The following SPMAP2L variants were observed in gnomAD, a reference collection of about 807,000 sequenced individuals.
SPMAP2L encodes the protein sperm microtubule associated protein 2 like.
At chr4:56,604,259 C>T in the SPMAP2L span, among the ~76,000 whole-genome samples, 1 of 152,170 alleles carries the variant, frequency 6.6e-6, no homozygotes, top group African/African-American at 2.4e-5. Flanking sequence ...ACTCCCTGTG[C>T]TGCAGTTTCT....
the SPMAP2L span, among the ~76,000 whole-genome samples, chr4:56,612,862 C>T: frequency 6.6e-6 from 1 of 151,820 alleles, no homozygotes; most frequent in Non-Finnish European, 1.5e-5. Flanking sequence ...CCCCCACGCC[C>T]GGCCTGCTAA....
the SPMAP2L span, among the ~76,000 whole-genome samples, chr4:56,608,808 A>G: frequency 6.6e-6 from 1 of 152,272 alleles, no homozygotes; most frequent in Non-Finnish European, 1.5e-5. Flanking sequence ...AACCCTGCTG[A>G]CCATGGGTTG....
At chr4:56,621,404 T>A in the SPMAP2L span, among the ~76,000 whole-genome samples, 1 of 152,218 alleles carries the variant, frequency 6.6e-6, no homozygotes, top group East Asian at 1.9e-4. Flanking sequence ...CACCATTTAG[T>A]TCACAAGAAT....
the SPMAP2L span, among the ~76,000 whole-genome samples, chr4:56,556,373 G>A: frequency 6.6e-6 from 1 of 152,156 alleles, no homozygotes; most frequent in Admixed American, 6.5e-5. Context: ...CTAGTTTTCT[G>A]TCTTTAGAAA....
the SPMAP2L span, among the ~76,000 whole-genome samples, chr4:56,534,365 C>T: frequency 6.6e-6 from 1 of 152,202 alleles, no homozygotes; most frequent in African/African-American, 2.4e-5. Flanking sequence ...CCTCTGTTGT[C>T]CTACCTCACT....
chr4:56,556,968 G>T, the SPMAP2L span, among the ~76,000 whole-genome samples: 1 of 152,088 alleles, frequency 6.6e-6, no homozygotes, highest in African/African-American at 2.4e-5. Context: ...ACAGAGAGAG[G>T]CCGGGTGTGG....
At chr4:56,594,952 T>C in the SPMAP2L span, 2 of 1,611,668 alleles carry the variant, frequency 1.2e-6, no homozygotes, top group Non-Finnish European at 1.7e-6. Context: ...GAGGTGGTCC[T>C]GGCATGGGGC....
the SPMAP2L span, among the ~76,000 whole-genome samples, chr4:56,605,015 G>A: frequency 2.0e-5 from 3 of 152,166 alleles, no homozygotes; most frequent in Non-Finnish European, 2.9e-5. Context: ...AAGGCTGGTA[G>A]GGGGGTGAGG....
At chr4:56,542,637 G>C in the SPMAP2L span, among the ~76,000 whole-genome samples, 1 of 152,146 alleles carries the variant, frequency 6.6e-6, no homozygotes, top group Non-Finnish European at 1.5e-5. Flanking sequence ...CCATATTGCA[G>C]ATTAAGAGGC....
the SPMAP2L span, among the ~76,000 whole-genome samples, chr4:56,545,653 G>T: frequency 6.7e-6 from 1 of 150,152 alleles, no homozygotes; most frequent in Non-Finnish European, 1.5e-5. Context: ...CTGGGGAGGT[G>T]GAGGTTGCAG....
the SPMAP2L span, among the ~76,000 whole-genome samples, chr4:56,621,953 C>T: frequency 6.6e-6 from 1 of 152,158 alleles, no homozygotes; most frequent in Non-Finnish European, 1.5e-5. Flanking sequence ...ATAGAATATA[C>T]ACCACAACGA....
chr4:56,591,710 A>G, the SPMAP2L span, among the ~76,000 whole-genome samples: 2 of 152,202 alleles, frequency 1.3e-5, no homozygotes, highest in Non-Finnish European at 2.9e-5. Context: ...GTAAGCTTTG[A>G]TTTTGAATAC....
chr4:56,594,025 G>T, the SPMAP2L span: 1 of 1,611,370 alleles, frequency 6.2e-7, no homozygotes, highest in Non-Finnish European at 8.5e-7. Context: ...CCGCTCAGCG[G>T]CAGATCAATT....
the SPMAP2L span, among the ~76,000 whole-genome samples, chr4:56,556,847 C>G: frequency 6.6e-6 from 1 of 151,912 alleles, no homozygotes; most frequent in Non-Finnish European, 1.5e-5. Context: ...TGCAATCCAG[C>G]CTGGGCGACT....
At chr4:56,552,243 G>GA in the SPMAP2L span, among the ~76,000 whole-genome samples, 1 of 152,164 alleles carries the variant, frequency 6.6e-6, no homozygotes, top group African/African-American at 2.4e-5. Context: ...GACCTTAATA[G>GA]ACTGATTGAG....
the SPMAP2L span, among the ~76,000 whole-genome samples, chr4:56,572,310 T>C: frequency 6.6e-6 from 1 of 152,234 alleles, no homozygotes; most frequent in Admixed American, 6.5e-5. Flanking sequence ...GGCTACAACA[T>C]CACAAAGCAA....
chr4:56,617,418 G>A, the SPMAP2L span, among the ~76,000 whole-genome samples: 3 of 152,134 alleles, frequency 2.0e-5, no homozygotes, highest in African/African-American at 7.2e-5. Context: ...TTGTTGTGGG[G>A]TGGCAAGGAC....
chr4:56,545,059 A>G, the SPMAP2L span, among the ~76,000 whole-genome samples: 1 of 152,152 alleles, frequency 6.6e-6, no homozygotes, highest in Non-Finnish European at 1.5e-5. Flanking sequence ...CGGCCGGGCT[A>G]CTGACATTTG....
At chr4:56,619,700 A>G in the SPMAP2L span, among the ~76,000 whole-genome samples, 2 of 152,244 alleles carry the variant, frequency 1.3e-5, no homozygotes, top group African/African-American at 4.8e-5. Context: ...CATAGGCAAC[A>G]AAACTAAAAA....
Sources: gnomAD v4.1 joint callset for allele counts (sites outside exome capture counted in the v4.1 genomes callset) on GRCh38, gnomAD v4.1.1 for gene constraint, MANE v1.5 for transcripts, NCBI Gene and HGNC (gene_info 2026-07-23, HGNC 2026-07-21) for gene names.